The following RANBP10 variants were observed in gnomAD, a reference collection of about 807,000 sequenced individuals.
RANBP10 encodes the protein RAN binding protein 10, also known as ran-binding protein 10.
Under a neutral mutation model 72.8 loss-of-function variants are expected in RANBP10, and 24 were observed. That is an observed-to-expected ratio of 0.33 (90% CI 0.24 to 0.46). RANBP10 has a LOEUF of 0.46. Among genes scored for constraint, RANBP10 ranks in the 20% least tolerant of loss-of-function variants. The pLI is 1.00. For synonymous variants in RANBP10, 310 were observed against 322.3 expected (o/e 0.96, Z 0.41); for missense variants, 679 against 817.5 (o/e 0.83, Z 2.07).
intron 5 of RANBP10, among the ~76,000 whole-genome samples, chr16:67,737,438 G>A (rs546960075): frequency 6.6e-6 from 1 of 151,856 alleles, no homozygotes; most frequent in South Asian, 2.1e-4. Flanking sequence ...TCCTGACCTC[G>A]TGATTTGCCC....
At chr16:67,782,060 T>C (rs997293424) in intron 2 of RANBP10, among the ~76,000 whole-genome samples, 3 of 152,266 alleles carry the variant, frequency 2.0e-5, no homozygotes, top group Non-Finnish European at 4.4e-5. Context: ...CCAGTCCTCT[T>C]GGATTCCTTT....
chr16:67,758,905 G>A (rs1436341232), intron 3 of RANBP10, among the ~76,000 whole-genome samples: 3 of 152,198 alleles, frequency 2.0e-5, no homozygotes, highest in Admixed American at 6.5e-5. Flanking sequence ...CTGGTGTGCC[G>A]GGGTGATACA....
chr16:67,768,575 G>GCAT (rs2143011729), intron 3 of RANBP10, among the ~76,000 whole-genome samples: 1 of 152,186 alleles, frequency 6.6e-6, no homozygotes, highest in South Asian at 2.1e-4. Context: ...AACTAGCTGA[G>GCAT]CATGGTGGCA....
rs115032815 is a variant in RANBP10, at chr16:67,798,867, C to A, written c.347+6561G>T. ...AAGCATGGGTAGATCCACAGCCCCCCACACTGCTACTGCCCTCAAGATACA... is the reference window on the plus strand; with the variant it reads ...AAGCATGGGTAGATCCACAGCCCCCAACACTGCTACTGCCCTCAAGATACA... On this transcript the variant is annotated intron_variant, in intron 2 of 13. Transcript: ENST00000317506. Among the ~76,000 whole-genome samples the A allele has an allele frequency of 6.3e-3, 958 of 152,322 alleles. 13 individuals are homozygous for A. The highest frequency in any genetic ancestry group is 0.022 in the African/African-American group (898 of 41,566).
intron 2 of RANBP10, among the ~76,000 whole-genome samples, chr16:67,777,933 C>A (rs1340042465): frequency 1.3e-5 from 2 of 152,156 alleles, no homozygotes; most frequent in Non-Finnish European, 2.9e-5. Context: ...GAATAGAGAT[C>A]CCAGAAATAA....
intron 6 of RANBP10, among the ~76,000 whole-genome samples, chr16:67,734,202 G>A (rs1266764188): frequency 6.6e-6 from 1 of 152,202 alleles, no homozygotes; most frequent in Non-Finnish European, 1.5e-5. Context: ...CCTTCCCCAT[G>A]CCCATCTGCC....
rs1468055124 is a variant in RANBP10 at position 67,730,386 on chromosome 16, G to A, written c.890-340C>T. On this transcript the variant is annotated intron_variant, in intron 7 of 13. Transcript: ENST00000317506. This position sits in a 1 kb window ranked among gnomAD's most constrained non-coding sequence, Gnocchi z 4.3. Reference sequence around the variant, plus strand: ...CCCCAGCTGGGGCAACATGATCTGGGGATGGGCACCCAGGCAGCTTGGCGG... The same window carrying A: ...CCCCAGCTGGGGCAACATGATCTGGAGATGGGCACCCAGGCAGCTTGGCGG... Among the ~76,000 whole-genome samples the A allele has an allele frequency of 6.6e-6, 1 of 152,178 alleles. No individual in the cohort carries two copies. Among genetic ancestry groups the A allele is most frequent in the Non-Finnish European group, 1.5e-5 (1 of 68,022 alleles).
At chr16:67,771,864 C>A (rs1313197017) in intron 3 of RANBP10, among the ~76,000 whole-genome samples, 170 bp downstream of exon 3, 1 of 152,058 alleles carries the variant, frequency 6.6e-6, no homozygotes, top group Non-Finnish European at 1.5e-5. Context: ...AATGGAAATG[C>A]ACACCATCCT....
intron 6 of RANBP10, among the ~76,000 whole-genome samples, chr16:67,731,824 G>A (rs2053739830): frequency 6.6e-6 from 1 of 152,220 alleles, no homozygotes; most frequent in Non-Finnish European, 1.5e-5. Flanking sequence ...ACAGTTCAGA[G>A]GAGTGGCTGC....
chr16:67,757,482 C>G (rs2054307956), intron 3 of RANBP10, among the ~76,000 whole-genome samples: 1 of 152,166 alleles, frequency 6.6e-6, no homozygotes, highest in African/African-American at 2.4e-5. Flanking sequence ...GCTGCGCTGG[C>G]TTGGCCAGAG....
rs745957650 is a variant in RANBP10, at chr16:67,726,498, C to A, written c.1793G>T (p.Cys598Phe). The A allele has an allele frequency of 1.3e-6, 2 of 1,593,222 alleles. No individual in the cohort carries two copies. The highest frequency in any genetic ancestry group is 1.3e-5 in the African/African-American group (1 of 74,696). ...GCCTGCTCGGGCCATGAGCCGGAGA[C>A]ACTCAGATGCCTGGCCCAGGGCGAG... ...LMLALGQASE[C>F]LRLMARAGLG... The change falls in exon 14 of 14, where the codon TGT becomes TTT. Residue 598 changes from cysteine (C) to phenylalanine (F), a missense_variant. By Grantham distance (205) the Cys-to-Phe change is radical (BLOSUM62 -2). Coordinates refer to ENST00000317506, the MANE Select transcript of RANBP10 (RefSeq NM_020850.3).
At position 67,779,655 on chromosome 16, in the gene RANBP10, G is replaced by A. The variant is rs539451339; in HGVS notation, c.348-7569C>T. Among the ~76,000 whole-genome samples, 7 of 152,228 alleles carry A rather than the reference G, an allele frequency of 4.6e-5. No homozygotes were observed. The South Asian group carries it at 1.5e-3, about 32-fold the overall frequency. On this transcript the variant is annotated intron_variant, in intron 2 of 13. Coordinates refer to ENST00000317506, the MANE Select transcript of RANBP10 (RefSeq NM_020850.3). ...GAGCTCTTGGGTCCTTGCTAACGTT[G>A]AGTAATTCAGTAAAAACAGGTGTGA...
chr16:67,768,914 G>C (rs999724270), intron 3 of RANBP10, among the ~76,000 whole-genome samples: 2 of 152,198 alleles, frequency 1.3e-5, no homozygotes, highest in African/African-American at 4.8e-5. Flanking sequence ...CCAAAGGCTT[G>C]TGAGTGAAAA....
At chr16:67,744,204 C>A in intron 4 of RANBP10, 84 bp downstream of exon 4, 1 of 1,538,780 alleles carries the variant, frequency 6.5e-7, no homozygotes, top group African/African-American at 1.4e-5. Context: ...AGAGGCGACA[C>A]TGCCTTGAGC....
chr16:67,744,929 T>C (rs1316195544), intron 3 of RANBP10, among the ~76,000 whole-genome samples: 1 of 152,156 alleles, frequency 6.6e-6, no homozygotes, highest in Non-Finnish European at 1.5e-5. Context: ...GTTCACGCCA[T>C]TCTCCTGCCT....
intron 3 of RANBP10, among the ~76,000 whole-genome samples, chr16:67,768,323 C>T (rs2054542671): frequency 6.6e-6 from 1 of 151,254 alleles, no homozygotes; most frequent in Non-Finnish European, 1.5e-5. Context: ...AGTTCAAGAC[C>T]AGCCTGGGCA....
intron 5 of RANBP10, 132 bp from the exon 6 acceptor site, chr16:67,735,174 G>T: frequency 1.2e-6 from 1 of 845,190 alleles, no homozygotes; most frequent in Non-Finnish European, 1.8e-6. Context: ...GAGGCAGGGC[G>T]GAGCCACCTC....
intron 3 of RANBP10, 103 bp downstream of exon 3, chr16:67,771,931 G>T: frequency 1.5e-6 from 2 of 1,353,080 alleles, no homozygotes; most frequent in South Asian, 1.3e-5. Flanking sequence ...GAGGTAGGCA[G>T]CTAGCAAACA....
At chr16:67,797,145 G>T (rs986629323) in intron 2 of RANBP10, among the ~76,000 whole-genome samples, 1 of 152,154 alleles carries the variant, frequency 6.6e-6, no homozygotes, top group Non-Finnish European at 1.5e-5. Flanking sequence ...TTCTAACAAG[G>T]AATCTCCCTT....
Sources: allele counts gnomAD v4.1 joint callset (sites outside exome capture counted in the v4.1 genomes callset), GRCh38; gene constraint gnomAD v4.1.1; non-coding constraint Gnocchi (gnomAD v3.1); transcripts MANE v1.5; gene names NCBI Gene and HGNC (gene_info 2026-07-23, HGNC 2026-07-21).